The following FGF14 variants were observed in gnomAD, a reference collection of about 807,000 sequenced individuals.
FGF14 encodes the protein fibroblast growth factor homologous factor 4.
FGF14 carries 5 observed loss-of-function variants against 25.5 expected under a neutral mutation model. The ratio of observed to expected loss-of-function variants is 0.20; its 90% CI spans 0.10 to 0.41. FGF14 has a LOEUF of 0.41. Among genes scored for constraint, FGF14 ranks in the 10% least tolerant of loss-of-function variants. FGF14 has a pLI of 1.00. For synonymous variants in FGF14, 138 were observed against 118.3 expected (o/e 1.17, Z -1.08); for missense variants, 222 against 320.1 (o/e 0.69, Z 2.34).
At chr13:102,298,493 G>A (rs938694451) in intron 1 of FGF14, among the ~76,000 whole-genome samples, 7 of 152,086 alleles carry the variant, frequency 4.6e-5, no homozygotes, top group Non-Finnish European at 7.4e-5. Context: ...ATTGACTAAC[G>A]AAGACATTCT....
rs74637975 is a variant in FGF14 at position 101,844,449 on chromosome 13, T to C, written c.408+24276A>G. On this transcript the variant is annotated intron_variant, in intron 3 of 4. Transcript: ENST00000376143. ...ATGAAGAACATATATTTAAAGCCCG[T>C]TTATCATAATAACCATATAATTACA... Among the ~76,000 whole-genome samples the C allele has an allele frequency of 2.8e-3, 423 of 152,156 alleles. 1 individual carries two copies. The highest frequency in any genetic ancestry group is 5.2e-3 in the Non-Finnish European group (351 of 67,946).
At chr13:102,183,016 G>C (rs1482079275) in intron 1 of FGF14, among the ~76,000 whole-genome samples, 2 of 152,058 alleles carry the variant, frequency 1.3e-5, no homozygotes, top group African/African-American at 4.8e-5. Flanking sequence ...GGGGAGTGCT[G>C]ACTTAAATTT....
At chr13:102,322,504 G>A (rs1278413619) in intron 1 of FGF14, among the ~76,000 whole-genome samples, 1 of 152,080 alleles carries the variant, frequency 6.6e-6, no homozygotes, top group Admixed American at 6.6e-5. Context: ...GCACTTCACC[G>A]ACTACTGATT....
intron 1 of FGF14, among the ~76,000 whole-genome samples, chr13:101,966,251 A>C (rs867021115): frequency 6.6e-6 from 1 of 152,184 alleles, no homozygotes; most frequent in Non-Finnish European, 1.5e-5. Context: ...GGAAATTTAG[A>C]CACAGAGAAA....
chr13:101,842,074 T>C (rs1428278198), intron 3 of FGF14, among the ~76,000 whole-genome samples: 1 of 152,056 alleles, frequency 6.6e-6, no homozygotes, highest in Admixed American at 6.6e-5. Context: ...CTATAGAATT[T>C]ATTGCTCATT....
At chr13:102,281,937 C>A (rs1364649398) in intron 1 of FGF14, among the ~76,000 whole-genome samples, 2 of 152,124 alleles carry the variant, frequency 1.3e-5, no homozygotes, top group African/African-American at 4.8e-5. Context: ...CACAACTATA[C>A]CAAAGAAAGA....
chr13:101,982,239 A>G (rs1036310968), intron 1 of FGF14, among the ~76,000 whole-genome samples: 4 of 152,216 alleles, frequency 2.6e-5, no homozygotes, highest in African/African-American at 7.2e-5. Context: ...TACTAAATAT[A>G]TATTTCTAAT....
chr13:102,125,339 G>T lies in FGF14; in HGVS notation c.209-250043C>A, dbSNP rs181137980. On this transcript the variant is annotated intron_variant, in intron 1 of 4. Transcript: ENST00000376131. ...TAAAAATACATATTCATAGAAAAAA[G>T]AAAACATAGAAAACCGTAAGAGTCA... 2.0e-5 allele frequency among the ~76,000 whole-genome samples: 3 copies of T among 152,156 alleles called. No individual in the cohort carries two copies. The East Asian group carries it at 5.8e-4, about 29-fold the overall frequency.
chr13:101,763,006 A>G (rs2038127934), intron 3 of FGF14, among the ~76,000 whole-genome samples: 1 of 152,200 alleles, frequency 6.6e-6, no homozygotes, highest in Non-Finnish European at 1.5e-5. Flanking sequence ...TAAAAAGGTC[A>G]GACGCCATCT....
chr13:102,070,630 TAA>T (rs2043115255), intron 1 of FGF14, among the ~76,000 whole-genome samples: 1 of 152,204 alleles, frequency 6.6e-6, no homozygotes, highest in African/African-American at 2.4e-5. Context: ...GAAAGCAACC[TAA>T]GTGTCCATCA....
intron 1 of FGF14, 104 bp downstream of exon 1, chr13:101,916,349 G>A: frequency 5.7e-6 from 8 of 1,401,896 alleles, no homozygotes; most frequent in Non-Finnish European, 8.0e-6. Context: ...GCCGGGGCCG[G>A]GGTGGGCCGG....
chr13:101,784,630 A>G (rs1178056194), intron 3 of FGF14, among the ~76,000 whole-genome samples: 1 of 152,176 alleles, frequency 6.6e-6, no homozygotes, highest in Admixed American at 6.5e-5. Context: ...CAATGTTTGA[A>G]TGGTAACATA....
At chr13:102,162,510 T>C (rs2047820456) in intron 1 of FGF14, among the ~76,000 whole-genome samples, 1 of 152,164 alleles carries the variant, frequency 6.6e-6, no homozygotes, top group African/African-American at 2.4e-5. Flanking sequence ...AAATAGGCAC[T>C]TTGCATCATT....
At position 101,847,238 on chromosome 13, in the gene FGF14, A is replaced by G. The variant is rs111847037; in HGVS notation, c.408+21487T>C. Among the ~76,000 whole-genome samples, 261 of 152,152 alleles carry G rather than the reference A, an allele frequency of 1.7e-3. 2 individuals carry two copies. Among genetic ancestry groups the G allele is most frequent in the African/African-American group, 5.7e-3 (237 of 41,532 alleles). On this transcript the variant is annotated intron_variant, in intron 3 of 4. Coordinates refer to ENST00000376143, the MANE Select transcript of FGF14 (RefSeq NM_004115.4). ...TGTCTCTGGAGATCTTTACAAAGAA[A>G]CTGTAGTTTTATATGCCTGGGGTCA... is the stretch of plus-strand genomic sequence containing the variant.
chr13:101,902,984 T>C (rs962123317), intron 1 of FGF14, among the ~76,000 whole-genome samples: 5 of 152,322 alleles, frequency 3.3e-5, no homozygotes, highest in African/African-American at 1.2e-4. Context: ...CTGGTTAGTA[T>C]CCAGTGGTCT....
intron 3 of FGF14, among the ~76,000 whole-genome samples, chr13:101,819,821 G>C (rs2042023517): frequency 6.6e-6 from 1 of 152,034 alleles, no homozygotes; most frequent in South Asian, 2.1e-4. Flanking sequence ...TCTGTCTTGG[G>C]ACTTTAAATC....
intron 3 of FGF14, among the ~76,000 whole-genome samples, chr13:101,822,768 T>C (rs897374710): frequency 9.2e-5 from 14 of 152,224 alleles, no homozygotes; most frequent in South Asian, 4.1e-4. Flanking sequence ...TTTTAAAGTA[T>C]ACAATAAATT....
At chr13:102,280,308 G>A (rs2053763951) in intron 1 of FGF14, among the ~76,000 whole-genome samples, 1 of 152,160 alleles carries the variant, frequency 6.6e-6, no homozygotes, top group East Asian at 1.9e-4. Context: ...TTCCCAAAGA[G>A]AGAGAACTGC....
At chr13:102,202,108 C>T (rs944669216) in intron 1 of FGF14, among the ~76,000 whole-genome samples, 7 of 152,154 alleles carry the variant, frequency 4.6e-5, no homozygotes, top group Admixed American at 1.3e-4. Flanking sequence ...GCCTTCACCG[C>T]GACTGTAAGT....
Sources: gnomAD v4.1 joint callset for allele counts (sites outside exome capture counted in the v4.1 genomes callset) on GRCh38, gnomAD v4.1.1 for gene constraint, MANE v1.5 for transcripts, NCBI Gene and HGNC (gene_info 2026-07-23, HGNC 2026-07-21) for gene names.